BANP: variants seen among roughly 807,000 people sequenced by gnomAD.
BANP encodes BTG3 associated nuclear protein, also known as protein BANP.
BANP carries 11 observed loss-of-function variants against 68.1 expected under a neutral mutation model. The observed-to-expected ratio is 0.16, with a 90% CI of 0.10 to 0.27. The LOEUF (loss-of-function observed/expected upper bound fraction) is 0.27, where lower values mean the gene tolerates loss of function less well. BANP is among the 10% of genes least tolerant of loss of function. The pLI is 1.00. For missense variants in BANP, 504 were observed against 722.7 expected (o/e 0.70, Z 3.47); for synonymous variants, 329 against 303.2 (o/e 1.09, Z -0.88).
At chr16:88,030,476 C>G (rs1385876065) in intron 8 of BANP, among the ~76,000 whole-genome samples, 1 of 152,240 alleles carries the variant, frequency 6.6e-6, no homozygotes, top group African/African-American at 2.4e-5. Context: ...TAGCGGTCTG[C>G]TTCATCCAAT....
chr16:87,995,079 C>T (rs1003831392), intron 4 of BANP, among the ~76,000 whole-genome samples: 2 of 152,188 alleles, frequency 1.3e-5, no homozygotes, highest in African/African-American at 2.4e-5. Context: ...TGAAAAGGTG[C>T]ATCCTGTTTT....
chr16:88,017,642 G>A (rs1047015339), intron 6 of BANP, among the ~76,000 whole-genome samples: 1 of 152,224 alleles, frequency 6.6e-6, no homozygotes, highest in Non-Finnish European at 1.5e-5. Context: ...TGGAGGGGCT[G>A]GCGGGCGTCA....
rs140824678 is a variant in BANP at position 87,984,242 on chromosome 16, G to A, written c.345G>A (p.Thr115=). The A allele has an allele frequency of 8.8e-6, 14 of 1,589,736 alleles. No individual in the cohort carries two copies. The highest frequency in any genetic ancestry group is 1.3e-5 in the African/African-American group (1 of 74,168). The change falls in exon 4 of 14, where the codon ACG becomes ACA. Residue 115 remains threonine, a synonymous_variant. Coordinates refer to ENST00000682872, the MANE Select transcript of BANP (RefSeq NM_001386991.1). ...GCTCCCCTCTCGGGGCAACCCAGAC[G>A]TGCAACAAAGTGCGATGGTAAGAAC... ...VAGSPLGATQ[T]CNKVRCVVPQ...
rs979566458 is a variant in BANP at position 88,027,790 on chromosome 16, C to G, written c.1063+140C>G. ...AGGCCAGAGGCTTGCGCGGTGCGCACGGAGCAGTGGAGCCGCAGGACCTGT... is the reference window on the plus strand; with the variant it reads ...AGGCCAGAGGCTTGCGCGGTGCGCAGGGAGCAGTGGAGCCGCAGGACCTGT... On this transcript the variant is annotated intron_variant, in intron 8 of 13. Coordinates refer to ENST00000682872, the MANE Select transcript of BANP (RefSeq NM_001386991.1). 3 of 1,036,316 alleles carry G rather than the reference C, an allele frequency of 2.9e-6. No homozygotes were observed. In the East Asian group the frequency reaches 7.9e-5, roughly 27 times the overall value. The allele number at this position is 1,036,316 out of a possible 1,614,324, so 64.2% of individuals were successfully genotyped here. A position where few individuals can be genotyped will look rare whatever the true frequency, so the allele number is the denominator to read the frequency against.
intron 1 of BANP, among the ~76,000 whole-genome samples, chr16:87,953,007 G>A (rs1394405568): frequency 3.3e-5 from 5 of 152,038 alleles, no homozygotes; most frequent in Admixed American, 3.3e-4. Context: ...TTTTAAAAAA[G>A]AGCTTCCATT....
At chr16:88,073,615 C>T (rs979671646) in intron 13 of BANP, among the ~76,000 whole-genome samples, 16 of 152,196 alleles carry the variant, frequency 1.1e-4, no homozygotes, top group African/African-American at 1.7e-4. Context: ...TGGTGTGAAC[C>T]TTGGCCTGTC....
chr16:88,068,888 C>G (rs914942687), intron 12 of BANP, among the ~76,000 whole-genome samples: 16 of 9,922 alleles, frequency 1.6e-3, no homozygotes, highest in African/African-American at 4.0e-3. Context: ...CCTGGGCGCT[C>G]TCGTCCCCAG....
chr16:87,965,445 A>G (rs939538315), intron 1 of BANP, among the ~76,000 whole-genome samples: 1 of 151,724 alleles, frequency 6.6e-6, no homozygotes, highest in Admixed American at 6.6e-5. Context: ...AAGGGTGTGC[A>G]AGGGTGATGC....
chr16:88,075,672 C>G (rs1406203063), intron 13 of BANP, among the ~76,000 whole-genome samples: 2 of 152,170 alleles, frequency 1.3e-5, no homozygotes, highest in South Asian at 4.2e-4. Flanking sequence ...GTGGGCTCCT[C>G]CACCTGGGGC....
intron 7 of BANP, among the ~76,000 whole-genome samples, chr16:88,021,850 A>G (rs57986854): frequency 0.016 from 2,371 of 152,216 alleles, 65 homozygotes; most frequent in African/African-American, 0.055. Context: ...CACGAGGGAG[A>G]AGATTTTGAT....
At position 88,064,431 on chromosome 16, in the gene BANP, C is replaced by T. The variant is rs183455977; in HGVS notation, c.1312-836C>T. ...GGCTTTTATTTGGAGGACAGATGTG[C>T]GCATTCACTTAGGGTCCAAGAAATG... On this transcript the variant is annotated intron_variant, in intron 11 of 13. Transcript: ENST00000682872. The surrounding 1 kb of genome is among the most constrained non-coding windows in gnomAD (Gnocchi z 4.5). 2.6e-5 allele frequency among the ~76,000 whole-genome samples: 4 copies of T among 152,292 alleles called. No homozygotes were observed. Among genetic ancestry groups the T allele is most frequent in the Admixed American group, 1.3e-4 (2 of 15,302 alleles).
intron 11 of BANP, among the ~76,000 whole-genome samples, chr16:88,053,288 C>T (rs1188486691): frequency 2.0e-5 from 3 of 151,292 alleles, no homozygotes; most frequent in African/African-American, 4.9e-5. Flanking sequence ...GTCACCAACA[C>T]AGTCCCCTTC....
At chr16:87,975,460 ACT>A (rs1439486772) in intron 2 of BANP, among the ~76,000 whole-genome samples, 6 of 150,888 alleles carry the variant, frequency 4.0e-5, no homozygotes, top group South Asian at 2.1e-4. Flanking sequence ...TGTGTTCTAC[ACT>A]CTCTCCCCTG....
At chr16:87,962,239 CAAAAA>C (rs10660621) in intron 1 of BANP, among the ~76,000 whole-genome samples, 1 of 79,786 alleles carries the variant, frequency 1.3e-5, no homozygotes, top group Non-Finnish European at 2.3e-5. Context: ...GACTTGGTCT[CAAAAA>C]AAAAAAAAAA....
chr16:88,006,816 G>A (rs1429752971), intron 6 of BANP, among the ~76,000 whole-genome samples: 1 of 151,840 alleles, frequency 6.6e-6, no homozygotes, highest in African/African-American at 2.4e-5. Context: ...GTTGGGCACG[G>A]TGACAGGTGC....
At chr16:87,995,317 C>T (rs575838146) in intron 4 of BANP, among the ~76,000 whole-genome samples, 4 of 152,192 alleles carry the variant, frequency 2.6e-5, no homozygotes, top group African/African-American at 7.2e-5. Context: ...AGCAGCTCCT[C>T]TTTTTGTAAG....
intron 7 of BANP, among the ~76,000 whole-genome samples, chr16:88,023,813 A>G (rs2076466931): frequency 6.6e-6 from 1 of 152,236 alleles, no homozygotes; most frequent in Non-Finnish European, 1.5e-5. Context: ...TGGGGACTGC[A>G]GAACAGCTCG....
chr16:88,058,855 T>C (rs1024381342), intron 11 of BANP, among the ~76,000 whole-genome samples: 1 of 152,142 alleles, frequency 6.6e-6, no homozygotes, highest in Non-Finnish European at 1.5e-5. Context: ...TTATTTATAA[T>C]GTTCAGGGCA....
At chr16:88,010,607 T>A (rs576326916) in intron 6 of BANP, among the ~76,000 whole-genome samples, 79 of 152,356 alleles carry the variant, frequency 5.2e-4, no homozygotes, top group African/African-American at 1.9e-3. Flanking sequence ...AATAAGAACA[T>A]GTAGCCACAC....
Sources: allele counts gnomAD v4.1 joint callset (sites outside exome capture counted in the v4.1 genomes callset), GRCh38; gene constraint gnomAD v4.1.1; non-coding constraint Gnocchi (gnomAD v3.1); transcripts MANE v1.5; gene names NCBI Gene and HGNC (gene_info 2026-07-23, HGNC 2026-07-21).